RDX: variants seen among roughly 807,000 people sequenced by gnomAD.
The protein encoded by RDX is deafness, autosomal recessive 24.
In RDX, 32 loss-of-function variants were observed where a neutral mutation model predicts 83.7. The observed-to-expected ratio is 0.38, with a 90% confidence interval of 0.29 to 0.51. RDX has a LOEUF of 0.51. Among genes scored for constraint, RDX ranks in the 20% least tolerant of loss-of-function variants. The pLI is 0.87. For missense variants in RDX, 600 were observed against 689.9 expected (o/e 0.87, Z 1.46); for synonymous variants, 229 against 222.7 (o/e 1.03, Z -0.25).
chr11:110,285,522 TG>T (rs1157078600), intron 1 of RDX, among the ~76,000 whole-genome samples: 2 of 152,116 alleles, frequency 1.3e-5, no homozygotes, highest in Admixed American at 6.5e-5. Context: ...GAGACCATCC[TG>T]GGCAACATGG....
chr11:110,208,029 C>T (rs1213422683), intron 14 of RDX, among the ~76,000 whole-genome samples: 1 of 150,742 alleles, frequency 6.6e-6, no homozygotes, highest in Non-Finnish European at 1.5e-5. Flanking sequence ...CCATATTGCC[C>T]AGGCTGGTCT....
chr11:110,236,123 C>G lies in RDX; in HGVS notation c.1320G>C (p.Glu440Asp), dbSNP rs1565306762. Reference protein sequence around the residue: ...LLEEAKKKKEEEATEWQHKAF... With the variant: ...LLEEAKKKKEDEATEWQHKAF... ...CTTTGTGTTGCCACTCAGTAGCTTC[C>G]TCTTCCTTTTTCTTCTTGGCTTCCT... The change falls in exon 12 of 14, where the codon GAG (glutamate) becomes GAC (aspartate). Residue 440 changes from glutamate (E) to aspartate (D), a missense_variant. Coordinates refer to ENST00000645495, the MANE Select transcript of RDX (RefSeq NM_002906.4). 6.2e-7 allele frequency: 1 copy of G among 1,611,852 alleles called. No homozygotes were observed. The highest frequency in any genetic ancestry group is 8.5e-7 in the Non-Finnish European group (1 of 1,179,638).
Position 110,264,626 on chromosome 11 carries a change from C to T in RDX, c.192+153G>A, listed in dbSNP as rs373779078. ...TTTTTGAGATGATAAGCTGATGGTGCCTGATTGAATTTAAAAAAACATGGT... is the reference window on the plus strand; with the variant it reads ...TTTTTGAGATGATAAGCTGATGGTGTCTGATTGAATTTAAAAAAACATGGT... On this transcript the variant is annotated intron_variant, in intron 4 of 13. Transcript: ENST00000645495. Among the ~76,000 whole-genome samples the T allele has an allele frequency of 4.1e-5, 6 of 147,766 alleles. No homozygotes were observed. In the East Asian group the frequency reaches 1.2e-3, roughly 29 times the overall value.
At chr11:110,197,544 T>G (rs902360335) in intron 15 of RDX, among the ~76,000 whole-genome samples, 1 of 152,202 alleles carries the variant, frequency 6.6e-6, no homozygotes, top group Non-Finnish European at 1.5e-5. Context: ...AGAAACTTTC[T>G]TTTCCTACTT....
In RDX at chr11:110,230,156, C is replaced by T. The variant is rs544319317; in HGVS notation, c.*1713G>A. On this transcript the variant is annotated 3_prime_UTR_variant, in exon 14 of 14. Transcript: ENST00000645495. The stretch of plus-strand genomic sequence containing the variant: ...GCACAAGAGATATTTTCAGACACAA[C>T]TTGAATCTACTGTGCATGAAAATGT... The T allele has an allele frequency of 7.0e-4, 106 of 152,298 alleles. No homozygotes were observed. The highest frequency in any genetic ancestry group is 2.4e-3 in the African/African-American group (100 of 41,562). 9.4% of individuals were successfully genotyped at this position (152,298 alleles called of 1,614,324 possible). A position where few individuals can be genotyped will look rare whatever the true frequency, so the allele number is the denominator to read the frequency against.
intron 2 of RDX, among the ~76,000 whole-genome samples, chr11:110,274,564 T>C (rs1860437247): frequency 6.6e-6 from 1 of 152,186 alleles, no homozygotes; most frequent in Admixed American, 6.5e-5. Flanking sequence ...GAATCCCAGC[T>C]CACCGCAGCC....
chr11:110,265,179 C>T (rs1279488194), intron 3 of RDX, among the ~76,000 whole-genome samples: 2 of 148,948 alleles, frequency 1.3e-5, no homozygotes, highest in Admixed American at 6.8e-5. Context: ...CCGCAACTTC[C>T]GTCTCCATTC....
chr11:110,183,998 G>A (rs1251208618), intron 15 of RDX, among the ~76,000 whole-genome samples: 1 of 152,202 alleles, frequency 6.6e-6, no homozygotes, highest in Admixed American at 6.5e-5. Context: ...CCTGCTAGAT[G>A]TCAGTGCCAC....
At chr11:110,280,106 G>C (rs1860694890) in intron 1 of RDX, among the ~76,000 whole-genome samples, 1 of 152,052 alleles carries the variant, frequency 6.6e-6, no homozygotes. Flanking sequence ...TTAGAGAAAG[G>C]AACAATAAAA....
rs766717915 is a variant in RDX, at chr11:110,279,726, T to A, written c.-34A>T. ...TCTTTTTGTTACCTTCTTTAAAAAT[T>A]CTCCACTTCAATGAATTCTGTTATC... On this transcript the variant is annotated 5_prime_UTR_variant, in exon 2 of 14. Coordinates refer to ENST00000645495, the MANE Select transcript of RDX (RefSeq NM_002906.4). 6.9e-7 allele frequency: 1 copy of A among 1,448,502 alleles called. No individual in the cohort carries two copies. Among genetic ancestry groups the A allele is most frequent in the South Asian group, 1.2e-5 (1 of 86,394 alleles). The allele number at this position is 1,448,502 out of a possible 1,614,324, so 89.7% of individuals were successfully genotyped here.
chr11:110,187,183 T>A (rs535539515), intron 15 of RDX, among the ~76,000 whole-genome samples: 3 of 152,296 alleles, frequency 2.0e-5, no homozygotes, highest in Non-Finnish European at 4.4e-5. Context: ...CAGACATATC[T>A]CCAGGTATTT....
intron 10 of RDX, among the ~76,000 whole-genome samples, chr11:110,243,669 G>A (rs1051672626): frequency 1.3e-5 from 2 of 151,812 alleles, no homozygotes; most frequent in Admixed American, 6.6e-5. Flanking sequence ...AGTGAACCGC[G>A]ATCATGCCAC....
chr11:110,291,308 G>A (rs1484263984), intron 1 of RDX, among the ~76,000 whole-genome samples: 11 of 152,156 alleles, frequency 7.2e-5, no homozygotes, highest in Admixed American at 7.2e-4. Flanking sequence ...CTGTACTCCA[G>A]CAGCAGAGAG....
chr11:110,184,914 G>A (rs761513917), intron 15 of RDX, among the ~76,000 whole-genome samples: 1 of 152,128 alleles, frequency 6.6e-6, no homozygotes, highest in Non-Finnish European at 1.5e-5. Flanking sequence ...ACCTTGGAGG[G>A]GGGGCTAGGG....
chr11:110,196,365 A>G (rs1250229448), intron 15 of RDX, among the ~76,000 whole-genome samples: 3 of 152,238 alleles, frequency 2.0e-5, no homozygotes, highest in African/African-American at 7.2e-5. Context: ...AAATGTAATG[A>G]TGTACAGATT....
At chr11:110,249,033 T>A (rs1458139696) in intron 9 of RDX, among the ~76,000 whole-genome samples, 1 of 152,182 alleles carries the variant, frequency 6.6e-6, no homozygotes, top group South Asian at 2.1e-4. Flanking sequence ...TTCTTTTAAA[T>A]ACTGCCAAAT....
chr11:110,263,455 A>T (rs1448052786), intron 5 of RDX: 1 of 152,788 alleles, frequency 6.5e-6, no homozygotes, highest in Non-Finnish European at 1.5e-5. Flanking sequence ...TGAGGAAAGA[A>T]GAGATAGATC....
chr11:110,228,717 C>CA (rs530101964), downstream of RDX, among the ~76,000 whole-genome samples: 116 of 151,592 alleles, frequency 7.7e-4, no homozygotes, highest in Non-Finnish European at 1.4e-3. Flanking sequence ...AAAAAAAACA[C>CA]AATAATATTG....
chr11:110,188,018 G>C (rs1326819624), intron 15 of RDX, among the ~76,000 whole-genome samples: 2 of 152,220 alleles, frequency 1.3e-5, no homozygotes, highest in Non-Finnish European at 2.9e-5. Flanking sequence ...CATTGGCCGG[G>C]CATGGTGGCT....
Sources: gnomAD v4.1 joint callset for allele counts (sites outside exome capture counted in the v4.1 genomes callset) on GRCh38, gnomAD v4.1.1 for gene constraint, MANE v1.5 for transcripts, NCBI Gene and HGNC (gene_info 2026-07-23, HGNC 2026-07-21) for gene names.